Variants in CDH16 observed in about 807,000 individuals in gnomAD.
CDH16 encodes the protein cadherin 16, also known as cadherin-16.
A neutral mutation model predicts 87.6 loss-of-function variants in CDH16; 79 were observed. That is an observed-to-expected ratio of 0.90 (90% CI 0.75 to 1.09). The LOEUF (loss-of-function observed/expected upper bound fraction) is 1.09, where lower values mean the gene tolerates loss of function less well. Ranked by LOEUF, CDH16 falls within the 50% of genes least tolerant of loss-of-function variation. CDH16 has a pLI of 0.00. For synonymous variants in CDH16, 457 were observed against 439.5 expected (o/e 1.04, Z -0.50); for missense variants, 1,124 against 1,071.7 (o/e 1.05, Z -0.68).
chr16:66,910,613 C>A (rs897635358), intron 14 of CDH16, 111 bp from the exon 15 acceptor site: 1 of 1,139,842 alleles, frequency 8.8e-7, no homozygotes, highest in African/African-American at 1.6e-5. Context: ...GACTCCCCTG[C>A]CATGCTCCCT....
At chr16:66,917,492 T>C (rs1962730298) in intron 3 of CDH16, 150 bp downstream of exon 3, 1 of 641,688 alleles carries the variant, frequency 1.6e-6, no homozygotes, top group Non-Finnish European at 2.8e-6. Context: ...GCATTTCAGA[T>C]AGGGGACACT....
intron 7 of CDH16, 115 bp downstream of exon 7, chr16:66,914,101 G>A: frequency 1.2e-6 from 1 of 864,394 alleles, no homozygotes. Flanking sequence ...GGGAAGAGTG[G>A]AGGGAGGAGC....
rs374720109 is a variant in CDH16 at position 66,909,235 on chromosome 16, C to T, written c.2392+32G>A. 35 of 1,361,760 alleles carry T rather than the reference C, an allele frequency of 2.6e-5. No individual in the cohort carries two copies. The highest frequency in any genetic ancestry group is 2.1e-4 in the African/African-American group (15 of 70,314). 84.4% of individuals were successfully genotyped at this position (1,361,760 alleles called of 1,614,324 possible). A position where few individuals can be genotyped will look rare whatever the true frequency, so the allele number is the denominator to read the frequency against. ...TGTGGTCCCAACCACCCATCGCCCT[C>T]GCCCACGCAGGTAATGTCCAACCTC... On this transcript the variant is annotated intron_variant, in intron 17 of 17. Transcript: ENST00000299752. This position sits in a 1 kb window ranked among gnomAD's most constrained non-coding sequence, Gnocchi z 4.1.
chr16:66,913,467 T>C (rs1962527189), intron 8 of CDH16, 24 bp downstream of exon 8: 2 of 1,614,014 alleles, frequency 1.2e-6, no homozygotes, highest in South Asian at 1.1e-5. Flanking sequence ...CCAGCCTGCA[T>C]CCCTGGCTCC....
At chr16:66,918,190 C>CTTTGGAGGGGAGG in intron 1 of CDH16, 112 bp from the exon 2 acceptor site, 1 of 701,400 alleles carries the variant, frequency 1.4e-6, no homozygotes, top group Non-Finnish European at 2.2e-6. Flanking sequence ...TCCTCCCCTC[C>CTTTGGAGGGGAGG]AAAGGAGCTG....
Position 66,916,469 on chromosome 16 carries a change from G to A in CDH16, c.130-40C>T, listed in dbSNP as rs965009326. 1.2e-5 allele frequency: 18 copies of A among 1,532,976 alleles called. No homozygotes were observed. Among genetic ancestry groups the A allele is most frequent in the Non-Finnish European group, 1.5e-5 (17 of 1,139,848 alleles). The allele number at this position is 1,532,976 out of a possible 1,614,324, so 95.0% of individuals were successfully genotyped here. ...CAGAAGTGAAGGGAGCGGTGGCCAG[G>A]CCTGGGAGATGCCCCTCCTCCACCT... On this transcript the variant is annotated intron_variant, in intron 3 of 17. Transcript: ENST00000299752. The surrounding 1 kb of genome is among the most constrained non-coding windows in gnomAD (Gnocchi z 4.1).
chr16:66,914,067 C>T lies in CDH16; in HGVS notation c.780+149G>A, dbSNP rs1250575932. ...GGGCCTGCGTCCAGGGCCTTGAACA[C>T]CCCAGTCCACAGTGGGAAGTAATGG... is the stretch of plus-strand genomic sequence containing the variant. On this transcript the variant is annotated intron_variant, in intron 7 of 17. Transcript: ENST00000299752. 1.0e-5 allele frequency: 7 copies of T among 683,810 alleles called. No individual in the cohort carries two copies. The African/African-American group carries it at 1.3e-4, about 12-fold the overall frequency. The allele number at this position is 683,810 out of a possible 1,614,324, so 42.4% of individuals were successfully genotyped here.
At chr16:66,912,461 C>A (rs769646261) in intron 11 of CDH16, 31 bp from the exon 12 acceptor site, 17 of 1,614,014 alleles carry the variant, frequency 1.1e-5, no homozygotes, top group South Asian at 5.5e-5. Flanking sequence ...GTGAGCCCCC[C>A]ACCAGCATCC....
intron 6 of CDH16, 26 bp downstream of exon 6, chr16:66,915,194 C>T (rs1034005130): frequency 6.3e-7 from 1 of 1,583,726 alleles, no homozygotes; most frequent in South Asian, 1.1e-5. Context: ...GACCCTCCCT[C>T]CCCAGCACAC....
intron 13 of CDH16, 26 bp downstream of exon 13, chr16:66,911,873 G>A: frequency 6.4e-7 from 1 of 1,566,270 alleles, no homozygotes; most frequent in Non-Finnish European, 8.7e-7. Context: ...ATCCAGTCCA[G>A]GTAAGGGGCT....
Position 66,909,364 on chromosome 16 carries a change from G to A in CDH16, c.2295C>T (p.Asn765=), listed in dbSNP as rs776309594. Residue 765 remains asparagine, a synonymous_variant, in exon 17 of 18, where the codon AAC becomes AAT. Coordinates refer to ENST00000299752, the MANE Select transcript of CDH16 (RefSeq NM_004062.4). The surrounding 1 kb of genome is among the most constrained non-coding windows in gnomAD (Gnocchi z 4.1). The stretch of plus-strand genomic sequence containing the variant: ...CCTTGCGCATGCACTGCCCCTCCAC[G>A]TTGCAGCGACACACGATCACTGAGG... ...LLVRVIVCRC[N]VEGQCMRKVG... is the part of the protein sequence containing the mutation. The A allele has an allele frequency of 1.0e-5, 16 of 1,560,522 alleles. No homozygotes were observed. The highest frequency in any genetic ancestry group is 4.9e-5 in the East Asian group (2 of 40,968).
At chr16:66,911,145 C>G in intron 14 of CDH16, 37 bp downstream of exon 14, 1 of 1,581,210 alleles carries the variant, frequency 6.3e-7, no homozygotes, top group Non-Finnish European at 8.6e-7. Context: ...GAGGTTTGTA[C>G]CCCCTCCCAG....
rs1212580243 is a variant in CDH16 at position 66,914,200 on chromosome 16, A to G, written c.780+16T>C. On this transcript the variant is annotated intron_variant, in intron 7 of 17. Coordinates refer to ENST00000299752, the MANE Select transcript of CDH16 (RefSeq NM_004062.4). ...ATCCATGGGGCTGCTTCAGCCACTG[A>G]CAGCCACTTACTCACCTGGGCCATG... The G allele has an allele frequency of 1.2e-6, 2 of 1,604,542 alleles. No homozygotes were observed. The highest frequency in any genetic ancestry group is 1.7e-5 in the Admixed American group (1 of 59,838).
At position 66,913,599 on chromosome 16, in the gene CDH16, C is replaced by A; in HGVS notation, c.795G>T (p.Gly265=). Residue 265 remains glycine, a synonymous_variant, in exon 8 of 18, where the codon GGG becomes GGT. Coordinates refer to ENST00000299752, the MANE Select transcript of CDH16 (RefSeq NM_004062.4). The part of the protein sequence containing the change: ...PHHMAQVHWS[G]GDVHYHLESH... Reference sequence around the variant, plus strand: ...TCTCCAGGTGATAGTGCACATCACCCCCACTCCAGTGTACCTGGGGGGGAC... The same window carrying A: ...TCTCCAGGTGATAGTGCACATCACCACCACTCCAGTGTACCTGGGGGGGAC... The A allele has an allele frequency of 6.2e-7, 1 of 1,614,026 alleles. No homozygotes were observed. The highest frequency in any genetic ancestry group is 1.7e-4 in the Middle Eastern group (1 of 6,056).
At chr16:66,912,616 T>A (rs1215210922) in intron 10 of CDH16, 36 bp from the exon 11 acceptor site, 1 of 1,613,938 alleles carries the variant, frequency 6.2e-7, no homozygotes, top group South Asian at 1.1e-5. Context: ...GAGGTCAGGG[T>A]AGGAACAGAG....
chr16:66,915,869 C>G (rs950616581), intron 5 of CDH16, among the ~76,000 whole-genome samples, 196 bp downstream of exon 5: 2 of 152,006 alleles, frequency 1.3e-5, no homozygotes, highest in Non-Finnish European at 2.9e-5. Flanking sequence ...GCGCTCCACT[C>G]CAACCTGGGT....
intron 17 of CDH16, among the ~76,000 whole-genome samples, chr16:66,908,801 G>A (rs1962275629): frequency 6.6e-6 from 1 of 152,190 alleles, no homozygotes; most frequent in African/African-American, 2.4e-5. Flanking sequence ...CATCACAGCA[G>A]TGTGCTAGAA....
rs1472060924 is a variant in CDH16, at chr16:66,917,783, C to T, written c.46-58G>A. 3.5e-5 allele frequency: 51 copies of T among 1,448,626 alleles called. 1 individual carries two copies. The Admixed American group carries it at 9.6e-4, about 27-fold the overall frequency. 89.7% of individuals were successfully genotyped at this position (1,448,626 alleles called of 1,614,324 possible). A position where few individuals can be genotyped will look rare whatever the true frequency, so the allele number is the denominator to read the frequency against. The stretch of plus-strand genomic sequence containing the variant: ...CTATCTTCCTGCGTGGGCACTGAGA[C>T]CCAACAGAAGAGCGGAATTTCCGCC... On this transcript the variant is annotated intron_variant, in intron 2 of 17. Transcript: ENST00000299752.
chr16:66,910,992 T>A (rs1007286621), intron 14 of CDH16, 190 bp downstream of exon 14: 2 of 556,248 alleles, frequency 3.6e-6, no homozygotes, highest in Non-Finnish European at 6.2e-6. Flanking sequence ...GGGAGGCAGA[T>A]GCCAGACTTG....
Sources: gnomAD v4.1 joint callset for allele counts (sites outside exome capture counted in the v4.1 genomes callset) on GRCh38, gnomAD v4.1.1 for gene constraint, Gnocchi (gnomAD v3.1) non-coding constraint, MANE v1.5 for transcripts, NCBI Gene and HGNC (gene_info 2026-07-23, HGNC 2026-07-21) for gene names.